The following COMMD10 variants were observed in gnomAD, a reference collection of about 807,000 sequenced individuals.
COMMD10 encodes the protein COMM domain-containing protein 10.
Under a neutral mutation model 28.9 loss-of-function variants are expected in COMMD10, and 33 were observed. The ratio of observed to expected loss-of-function variants is 1.14; its 90% CI spans 0.87 to 1.53. The LOEUF (loss-of-function observed/expected upper bound fraction) is 1.53. Ranked by LOEUF, COMMD10 falls within the 40% of genes most tolerant of loss-of-function variation. The pLI, the probability that COMMD10 is intolerant of heterozygous loss-of-function variation, is 0.00. For missense variants in COMMD10, 310 were observed against 233.4 expected, an observed-to-expected ratio of 1.33 and a Z score of -2.14; for synonymous variants, 110 against 81.7, an observed-to-expected ratio of 1.35 and a Z score of -1.87.
rs189194064 is a variant in COMMD10 at position 116,130,237 on chromosome 5, G to A, written c.400-3831G>A. 4.1e-4 allele frequency among the ~76,000 whole-genome samples: 63 copies of A among 151,906 alleles called. No homozygotes were observed. The East Asian group carries it at 8.3e-3, about 20-fold the overall frequency. On this transcript the variant is annotated intron_variant, in intron 4 of 6. Transcript: ENST00000274458. ...CGGGACATTATTTTAAGTGCTCCGGGTATAGCACTGATAAAAAGGGCAAAA... is the reference window on the plus strand; with the variant it reads ...CGGGACATTATTTTAAGTGCTCCGGATATAGCACTGATAAAAAGGGCAAAA...
chr5:116,151,745 C>G (rs901834172), intron 5 of COMMD10, among the ~76,000 whole-genome samples: 2 of 152,096 alleles, frequency 1.3e-5, no homozygotes, highest in African/African-American at 4.8e-5. Flanking sequence ...ATTCTTCTCT[C>G]TTTTCTTCTT....
chr5:116,217,172 C>A (rs556516234), intron 5 of COMMD10, among the ~76,000 whole-genome samples: 1 of 151,066 alleles, frequency 6.6e-6, no homozygotes. Flanking sequence ...TCCCCGCAAT[C>A]CCACTGTGCA....
intron 5 of COMMD10, among the ~76,000 whole-genome samples, chr5:116,167,636 G>C (rs375307981): frequency 6.6e-6 from 1 of 152,066 alleles, no homozygotes; most frequent in Admixed American, 6.6e-5. Context: ...CGGATCTCTC[G>C]GCAGAAACCC....
chr5:116,099,198 G>T (rs1750568589), intron 4 of COMMD10, among the ~76,000 whole-genome samples: 1 of 152,162 alleles, frequency 6.6e-6, no homozygotes, highest in African/African-American at 2.4e-5. Flanking sequence ...TTTAGAGTAT[G>T]CGTATAAATT....
At position 116,101,709 on chromosome 5, in the gene COMMD10, C is replaced by G. The variant is rs138984638; in HGVS notation, c.399+9009C>G. Among the ~76,000 whole-genome samples, 3 of 152,312 alleles carry G rather than the reference C, an allele frequency of 2.0e-5. No homozygotes were observed. In the East Asian group the frequency reaches 5.8e-4, roughly 29 times the overall value. On this transcript the variant is annotated intron_variant, in intron 4 of 6. Coordinates refer to ENST00000274458, the MANE Select transcript of COMMD10 (RefSeq NM_016144.4). ...CAAAGTGTGGGCTTACAGGCGTGAG[C>G]CACTGCGCCCGGACTTTCTTCACTT...
chr5:116,256,938 A>C (rs1287464536), intron 5 of COMMD10, among the ~76,000 whole-genome samples: 1 of 151,742 alleles, frequency 6.6e-6, no homozygotes, highest in Non-Finnish European at 1.5e-5. Flanking sequence ...AGACTTACTC[A>C]CACATATGTA....
intron 5 of COMMD10, among the ~76,000 whole-genome samples, chr5:116,214,088 A>C (rs745518323): frequency 6.6e-6 from 1 of 152,140 alleles, no homozygotes; most frequent in South Asian, 2.1e-4. Flanking sequence ...GTGTTTGTGT[A>C]TATTTCATTC....
At position 116,292,668 on chromosome 5, in the gene COMMD10, T is replaced by C. The variant is rs1389097239; in HGVS notation, c.*179T>C. The C allele has an allele frequency of 2.3e-6, 1 of 436,980 alleles. No homozygotes were observed. The highest frequency in any genetic ancestry group is 4.1e-6 in the Non-Finnish European group (1 of 246,724). The allele number at this position is 436,980 out of a possible 1,614,324, so 27.1% of individuals were successfully genotyped here. A position where few individuals can be genotyped will look rare whatever the true frequency, so the allele number is the denominator to read the frequency against. ...AGATCATTGTTAAGAATACTGAGGT[T>C]CTAATATACTTTCTTTAGTTCTGTG... On this transcript the variant is annotated 3_prime_UTR_variant, in exon 7 of 7. Transcript: ENST00000274458.
chr5:116,268,678 C>G (rs879723711), intron 5 of COMMD10, among the ~76,000 whole-genome samples: 4 of 151,746 alleles, frequency 2.6e-5, no homozygotes, highest in South Asian at 2.1e-4. Context: ...TTCACAATAG[C>G]AAAGACTTGG....
intron 5 of COMMD10, among the ~76,000 whole-genome samples, chr5:116,243,405 G>C (rs545751051): frequency 1.4e-4 from 22 of 152,202 alleles, no homozygotes; most frequent in African/African-American, 5.3e-4. Context: ...CACCCCAGAA[G>C]TGAAAATTTA....
chr5:116,109,166 A>G (rs2112733890), intron 4 of COMMD10, among the ~76,000 whole-genome samples: 1 of 152,164 alleles, frequency 6.6e-6, no homozygotes, highest in South Asian at 2.1e-4. Flanking sequence ...ATATCATCAT[A>G]ATAGTTCTTT....
intron 5 of COMMD10, among the ~76,000 whole-genome samples, chr5:116,219,983 T>C (rs547861758): frequency 1.2e-4 from 18 of 152,300 alleles, no homozygotes; most frequent in African/African-American, 4.3e-4. Flanking sequence ...TTTTTTATAC[T>C]GTCTTTGTCA....
chr5:116,232,536 A>C (rs1749554831), intron 5 of COMMD10, among the ~76,000 whole-genome samples: 1 of 152,052 alleles, frequency 6.6e-6, no homozygotes, highest in Admixed American at 6.6e-5. Flanking sequence ...CCCCATCTCT[A>C]CTAAAAATAC....
intron 5 of COMMD10, among the ~76,000 whole-genome samples, chr5:116,157,591 T>TA (rs1752759926): frequency 6.6e-6 from 1 of 152,204 alleles, no homozygotes; most frequent in Admixed American, 6.5e-5. Context: ...ATTTTCATCA[T>TA]ATTCTGTTGG....
intron 5 of COMMD10, among the ~76,000 whole-genome samples, chr5:116,231,335 T>C (rs1349455070): frequency 6.6e-6 from 1 of 152,136 alleles, no homozygotes; most frequent in Non-Finnish European, 1.5e-5. Flanking sequence ...ACATTCTGAC[T>C]GATTCTATTT....
chr5:116,201,305 C>G (rs1457230187), intron 5 of COMMD10, among the ~76,000 whole-genome samples: 2 of 152,156 alleles, frequency 1.3e-5, no homozygotes, highest in African/African-American at 4.8e-5. Context: ...GGATTTTTCT[C>G]CAGTATTCAC....
intron 1 of COMMD10, chr5:116,085,623 T>G (rs998982736): frequency 6.5e-6 from 1 of 152,760 alleles, no homozygotes; most frequent in African/African-American, 2.4e-5. Context: ...TTTGCTTTTA[T>G]TTGCATTTTA....
chr5:116,116,111 G>C lies in COMMD10; in HGVS notation c.400-17957G>C, dbSNP rs560451007. On this transcript the variant is annotated intron_variant, in intron 4 of 6. Coordinates refer to ENST00000274458, the MANE Select transcript of COMMD10 (RefSeq NM_016144.4). The stretch of plus-strand genomic sequence containing the variant: ...ACTTTGTATTTTCTTACAGGTTCTT[G>C]AGAAATCTACATGAAAAAATGGATA... 5.0e-4 allele frequency among the ~76,000 whole-genome samples: 76 copies of C among 151,972 alleles called. 1 individual carries two copies. The East Asian group carries it at 0.011, about 22-fold the overall frequency.
intron 5 of COMMD10, among the ~76,000 whole-genome samples, chr5:116,278,644 G>T (rs955378322): frequency 6.6e-6 from 1 of 151,682 alleles, no homozygotes; most frequent in Admixed American, 6.6e-5. Context: ...TCTCTTATAC[G>T]ATTTTTATAC....
Sources: gnomAD v4.1 joint callset for allele counts (sites outside exome capture counted in the v4.1 genomes callset) on GRCh38, gnomAD v4.1.1 for gene constraint, MANE v1.5 for transcripts, NCBI Gene and HGNC (gene_info 2026-07-23, HGNC 2026-07-21) for gene names.